Variants in RIPOR2 observed in about 807,000 individuals in gnomAD.
RIPOR2 encodes RHO family interacting cell polarization regulator 2, also known as rho family-interacting cell polarization regulator 2.
A neutral mutation model predicts 114.5 loss-of-function variants in RIPOR2; 39 were observed. That is an observed-to-expected ratio of 0.34 (90% CI 0.26 to 0.44). The LOEUF (loss-of-function observed/expected upper bound fraction) is 0.44. Among genes scored for constraint, RIPOR2 ranks in the 20% least tolerant of loss-of-function variants. RIPOR2 has a pLI of 1.00. For missense variants in RIPOR2, 1,007 were observed against 1,255.1 expected, an observed-to-expected ratio of 0.80 and a Z score of 2.99; for synonymous variants, 445 against 484.4, an observed-to-expected ratio of 0.92 and a Z score of 1.07.
chr6:25,003,719 C>G (rs1285399940), intron 1 of RIPOR2, among the ~76,000 whole-genome samples: 1 of 152,152 alleles, frequency 6.6e-6, no homozygotes, highest in Non-Finnish European at 1.5e-5. Flanking sequence ...ACATGAGCCA[C>G]CATGCCTGGC....
rs1171462938 is a variant in RIPOR2, at chr6:25,037,304, C to T, written c.76+4547G>A. 2.6e-5 allele frequency among the ~76,000 whole-genome samples: 4 copies of T among 152,138 alleles called. No individual in the cohort carries two copies. Among genetic ancestry groups the T allele is most frequent in the South Asian group, 2.1e-4 (1 of 4,812 alleles). ...CTTTTCAGGGTTTCTTTCCTTTAAT[C>T]GCCCACCCCAACTGTGGCAGACTAA... On this transcript the variant is annotated intron_variant, in intron 1 of 13. Transcript: ENST00000510784. The surrounding 1 kb of genome is among the most constrained non-coding windows in gnomAD (Gnocchi z 4.5).
intron 10 of RIPOR2, 83 bp from the exon 11 acceptor site, chr6:24,850,033 C>A: frequency 8.7e-7 from 1 of 1,151,596 alleles, no homozygotes; most frequent in South Asian, 1.6e-5. Flanking sequence ...TTTTACTGAG[C>A]TAGGTTGGTC....
chr6:25,040,408 G>A (rs1462696370), intron 1 of RIPOR2, among the ~76,000 whole-genome samples: 2 of 151,996 alleles, frequency 1.3e-5, no homozygotes, highest in African/African-American at 2.4e-5. Context: ...GAGCCACCGC[G>A]CCCGGCCTGT....
At chr6:24,833,314 A>G (rs1487920164) in intron 15 of RIPOR2, among the ~76,000 whole-genome samples, 1 of 152,138 alleles carries the variant, frequency 6.6e-6, no homozygotes, top group Non-Finnish European at 1.5e-5. Flanking sequence ...CATCCTGGCC[A>G]ACATGACGAA....
chr6:24,935,579 A>C lies in RIPOR2; in HGVS notation c.61+259T>G, dbSNP rs540545755. Among the ~76,000 whole-genome samples, 5 of 152,310 alleles carry C rather than the reference A, an allele frequency of 3.3e-5. No homozygotes were observed. In the East Asian group the frequency reaches 9.7e-4, roughly 29 times the overall value. On this transcript the variant is annotated intron_variant, in intron 1 of 21. Transcript: ENST00000643898. The stretch of plus-strand genomic sequence containing the variant: ...GGCAAAAAATTTAGTACTATTTTCC[A>C]GCCTAAACTAAACCTTTATTTTAGT...
chr6:24,821,903 T>C (rs1000999614), intron 19 of RIPOR2, among the ~76,000 whole-genome samples: 4 of 152,244 alleles, frequency 2.6e-5, no homozygotes, highest in African/African-American at 9.6e-5. Flanking sequence ...AAGGACAATT[T>C]AAGTTGTGAT....
intron 1 of RIPOR2, among the ~76,000 whole-genome samples, chr6:24,952,450 T>C (rs1345299363): frequency 2.0e-5 from 3 of 152,190 alleles, no homozygotes; most frequent in Non-Finnish European, 4.4e-5. Flanking sequence ...TTATGGATTT[T>C]CATAGTGCTA....
intron 1 of RIPOR2, among the ~76,000 whole-genome samples, chr6:25,004,459 C>A (rs1157925376): frequency 1.3e-5 from 2 of 152,164 alleles, no homozygotes; most frequent in Non-Finnish European, 2.9e-5. Context: ...TTATGTTCAC[C>A]ATTCACCCCC....
At chr6:24,895,852 G>T (rs956085878) in intron 1 of RIPOR2, among the ~76,000 whole-genome samples, 20 of 152,118 alleles carry the variant, frequency 1.3e-4, no homozygotes, top group African/African-American at 4.6e-4. Flanking sequence ...TTAGCTGGGC[G>T]TGGTGGCGGG....
At chr6:24,832,020 TGG>T (rs1420771772) in intron 16 of RIPOR2, among the ~76,000 whole-genome samples, 1 of 152,178 alleles carries the variant, frequency 6.6e-6, no homozygotes, top group African/African-American at 2.4e-5. Flanking sequence ...TTTTTGTTTC[TGG>T]GTCTGACTTC....
chr6:24,884,363 C>T (rs558318787), intron 1 of RIPOR2, among the ~76,000 whole-genome samples: 6 of 152,116 alleles, frequency 3.9e-5, no homozygotes, highest in Non-Finnish European at 7.4e-5. Flanking sequence ...GAGCCGAGAT[C>T]GTGCCACTGC....
chr6:24,984,325 TA>T (rs1169828064), intron 1 of RIPOR2, among the ~76,000 whole-genome samples: 7 of 151,996 alleles, frequency 4.6e-5, no homozygotes, highest in Non-Finnish European at 8.8e-5. Context: ...GGTTTTGGGA[TA>T]GGGGGTGAAG....
At chr6:24,845,686 T>C (rs934796633) in intron 12 of RIPOR2, among the ~76,000 whole-genome samples, 2 of 151,946 alleles carry the variant, frequency 1.3e-5, no homozygotes, top group Non-Finnish European at 2.9e-5. Flanking sequence ...AGGGGACAAG[T>C]CTAACAACAA....
intron 19 of RIPOR2, among the ~76,000 whole-genome samples, chr6:24,819,816 A>G (rs917911780): frequency 2.0e-5 from 3 of 150,840 alleles, no homozygotes; most frequent in Admixed American, 6.6e-5. Context: ...TCTTATTTTT[A>G]CCAAGCTAAT....
rs117242454 is a variant in RIPOR2 at position 25,005,267 on chromosome 6, G to A, written c.76+36584C>T. Among the ~76,000 whole-genome samples, 266 of 152,254 alleles carry A rather than the reference G, an allele frequency of 1.7e-3. 7 individuals are homozygous for A. The East Asian group carries it at 0.037, about 21-fold the overall frequency. ...TTCATCTACGAGGCTGACTCTGACC[G>A]GGTTGTCCGTAGATTTAGACTAGGT... On this transcript the variant is annotated intron_variant, in intron 1 of 13. Transcript: ENST00000510784.
At chr6:24,998,713 C>CA (rs1425023930) in intron 1 of RIPOR2, among the ~76,000 whole-genome samples, 1 of 152,076 alleles carries the variant, frequency 6.6e-6, no homozygotes, top group African/African-American at 2.4e-5. Flanking sequence ...AACAAAATAT[C>CA]AAAAAATTAG....
chr6:25,024,263 G>T, intron 1 of RIPOR2: 1 of 1,543,114 alleles, frequency 6.5e-7, no homozygotes, highest in Non-Finnish European at 8.9e-7. Context: ...TGGCCGGCCA[G>T]ATGAACTCTT....
chr6:24,945,359 T>C (rs1162942733), intron 1 of RIPOR2, among the ~76,000 whole-genome samples: 1 of 152,168 alleles, frequency 6.6e-6, no homozygotes, highest in Non-Finnish European at 1.5e-5. Flanking sequence ...TAAGAAATGC[T>C]AAAGACAGTC....
rs1561782580 is a variant in RIPOR2 at position 24,927,181 on chromosome 6, A to ACCACCAC, written c.61+8656_61+8657insGTGGTGG. ...CACCACAACTACAATCACCACCACC[A>ACCACCAC]TGACCACCACCACAACTACAAGCAC... On this transcript the variant is annotated intron_variant, in intron 1 of 21. Transcript: ENST00000643898. Among the ~76,000 whole-genome samples, 51 of 67,330 alleles carry ACCACCAC rather than the reference A, an allele frequency of 7.6e-4. 19 individuals carry two copies. The highest frequency in any genetic ancestry group is 5.1e-3 in the East Asian group (8 of 1,556). 44.2% of individuals were successfully genotyped at this position (67,330 alleles called of 152,430 possible).
Sources: gnomAD v4.1 joint callset for allele counts (sites outside exome capture counted in the v4.1 genomes callset) on GRCh38, gnomAD v4.1.1 for gene constraint, Gnocchi (gnomAD v3.1) non-coding constraint, MANE v1.5 for transcripts, NCBI Gene and HGNC (gene_info 2026-07-23, HGNC 2026-07-21) for gene names.